SOBP: variants seen among roughly 807,000 people sequenced by gnomAD.
The protein encoded by SOBP is sine oculis binding protein homolog, also known as sine oculis-binding protein homolog.
Under a neutral mutation model 53.6 loss-of-function variants are expected in SOBP, and 4 were observed. The observed-to-expected ratio is 0.07, with a 90% CI of 0.04 to 0.17. SOBP has a LOEUF of 0.17. Ranked by LOEUF, SOBP falls within the 10% of genes least tolerant of loss-of-function variation. The pLI is 1.00. For synonymous variants in SOBP, 584 were observed against 522.6 expected (o/e 1.12, Z -1.60); for missense variants, 1,088 against 1,204.7 (o/e 0.90, Z 1.43).
intron 3 of SOBP, chr6:107,515,042 G>T (rs1025537701): frequency 9.9e-5 from 15 of 152,172 alleles, no homozygotes; most frequent in African/African-American, 3.4e-4. Flanking sequence ...TGAAATGTGA[G>T]TAAATAAAAA....
chr6:107,611,191 A>C (rs552879795), intron 5 of SOBP, among the ~76,000 whole-genome samples: 1 of 152,282 alleles, frequency 6.6e-6, no homozygotes, highest in East Asian at 1.9e-4. Context: ...TGTGCCAATA[A>C]CTGAGAACCG....
chr6:107,514,431 A>G (rs1783257940), intron 3 of SOBP: 1 of 152,182 alleles, frequency 6.6e-6, no homozygotes, highest in African/African-American at 2.4e-5. Context: ...TCAAAGTGAT[A>G]AAAAAAGATC....
intron 3 of SOBP, among the ~76,000 whole-genome samples, chr6:107,530,271 A>G (rs566766950): frequency 6.6e-6 from 1 of 152,306 alleles, no homozygotes; most frequent in South Asian, 2.1e-4. Context: ...GAAACCTTCT[A>G]TTTTGCCATT....
Position 107,563,854 on chromosome 6 carries a change from G to A in SOBP, c.574-23226G>A, listed in dbSNP as rs930357585. On this transcript the variant is annotated intron_variant, in intron 4 of 6. Coordinates refer to ENST00000317357, the MANE Select transcript of SOBP (RefSeq NM_018013.4). The stretch of plus-strand genomic sequence containing the variant: ...GTACAGGGAGGCCCTCACAGCTTGA[G>A]ACAGAGAGTGGACCAGCACCAGCTA... Among the ~76,000 whole-genome samples the A allele has an allele frequency of 3.3e-5, 5 of 152,024 alleles. No homozygotes were observed. In the Admixed American group the frequency reaches 3.3e-4, roughly 10 times the overall value.
chr6:107,544,929 C>A (rs955292546), intron 4 of SOBP, among the ~76,000 whole-genome samples: 2 of 152,188 alleles, frequency 1.3e-5, no homozygotes, highest in Non-Finnish European at 2.9e-5. Context: ...CACATTAATA[C>A]TAAATCATTT....
chr6:107,514,033 T>G (rs949412990), intron 3 of SOBP: 4 of 152,650 alleles, frequency 2.6e-5, no homozygotes. Flanking sequence ...GAGCTGATAT[T>G]TGAACCTATA....
At chr6:107,625,507 G>A (rs1309403226) in intron 5 of SOBP, among the ~76,000 whole-genome samples, 1 of 152,244 alleles carries the variant, frequency 6.6e-6, no homozygotes, top group Non-Finnish European at 1.5e-5. Flanking sequence ...CAGCCAGAAA[G>A]TGGGCTAAGG....
At chr6:107,532,272 C>CA (rs56398781) in intron 3 of SOBP, among the ~76,000 whole-genome samples, 523 of 108,022 alleles carry the variant, frequency 4.8e-3, no homozygotes, top group Middle Eastern at 0.018. Context: ...CACACACACA[C>CA]CACACACACA....
intron 4 of SOBP, among the ~76,000 whole-genome samples, chr6:107,581,439 C>T (rs978535189): frequency 1.3e-5 from 2 of 152,138 alleles, no homozygotes; most frequent in Admixed American, 6.5e-5. Flanking sequence ...TGCAGTAACT[C>T]CAGGGGAGGC....
chr6:107,537,559 G>A (rs981976810), intron 4 of SOBP, among the ~76,000 whole-genome samples: 5 of 152,214 alleles, frequency 3.3e-5, no homozygotes, highest in Non-Finnish European at 7.3e-5. Context: ...CATGGCTCAT[G>A]CCTGTAATCC....
intron 4 of SOBP, among the ~76,000 whole-genome samples, chr6:107,550,208 A>G (rs1784423896): frequency 1.3e-5 from 2 of 152,218 alleles, no homozygotes; most frequent in Non-Finnish European, 1.5e-5. Flanking sequence ...AGAGAGAAGC[A>G]TAAGAATGCA....
intron 6 of SOBP, among the ~76,000 whole-genome samples, chr6:107,650,856 G>A (rs1771774346): frequency 6.6e-6 from 1 of 152,210 alleles, no homozygotes; most frequent in Admixed American, 6.5e-5. Flanking sequence ...AAAGCTAGAA[G>A]TGATTAAACT....
chr6:107,532,272 C>CCACA (rs1554291805), intron 3 of SOBP, among the ~76,000 whole-genome samples: 23 of 108,140 alleles, frequency 2.1e-4, no homozygotes, highest in African/African-American at 6.6e-4. Context: ...CACACACACA[C>CCACA]CACACACACA....
chr6:107,553,246 A>G (rs901085432), intron 4 of SOBP, among the ~76,000 whole-genome samples: 4 of 151,614 alleles, frequency 2.6e-5, no homozygotes, highest in Non-Finnish European at 4.4e-5. Flanking sequence ...TTTCACACAT[A>G]ATTTCATGGG....
At chr6:107,534,927 CG>C (rs1783949357) in intron 4 of SOBP, among the ~76,000 whole-genome samples, 1 of 152,104 alleles carries the variant, frequency 6.6e-6, no homozygotes, top group South Asian at 2.1e-4. Context: ...TCTGAGACCC[CG>C]GGGCTCCCGT....
intron 4 of SOBP, among the ~76,000 whole-genome samples, chr6:107,584,376 A>G (rs1422629461): frequency 6.6e-6 from 1 of 152,174 alleles, no homozygotes; most frequent in Non-Finnish European, 1.5e-5. Context: ...ATTACACATT[A>G]AAAATTTCAC....
intron 6 of SOBP, among the ~76,000 whole-genome samples, chr6:107,648,112 T>C (rs1456597017): frequency 6.6e-6 from 1 of 152,202 alleles, no homozygotes; most frequent in Non-Finnish European, 1.5e-5. Flanking sequence ...AAATCTGCCG[T>C]TGACCCACAG....
intron 4 of SOBP, among the ~76,000 whole-genome samples, chr6:107,563,782 A>T (rs1257204562): frequency 6.6e-6 from 1 of 152,068 alleles, no homozygotes; most frequent in Non-Finnish European, 1.5e-5. Flanking sequence ...GCTTGAGGGG[A>T]TGCAGCCTCA....
intron 3 of SOBP, among the ~76,000 whole-genome samples, chr6:107,532,488 C>T (rs115620197): frequency 0.03 from 4,562 of 152,074 alleles, 229 homozygotes; most frequent in African/African-American, 0.1. Context: ...TGCACTATGA[C>T]TTACTGAATA....
Sources: gnomAD v4.1 joint callset for allele counts (sites outside exome capture counted in the v4.1 genomes callset) on GRCh38, gnomAD v4.1.1 for gene constraint, MANE v1.5 for transcripts, NCBI Gene and HGNC (gene_info 2026-07-23, HGNC 2026-07-21) for gene names.